Variants in EXT1 observed in about 807,000 individuals in gnomAD.
The protein encoded by EXT1 is exostosin glycosyltransferase 1.
A neutral mutation model predicts 82.5 loss-of-function variants in EXT1; 20 were observed. The ratio of observed to expected loss-of-function variants is 0.24; its 90% CI spans 0.17 to 0.35. The LOEUF (loss-of-function observed/expected upper bound fraction) is 0.35. Among genes scored for constraint, EXT1 ranks in the 10% least tolerant of loss-of-function variants. EXT1 has a pLI of 1.00. For synonymous variants in EXT1, 348 were observed against 350.8 expected (o/e 0.99, Z 0.09); for missense variants, 757 against 936.5 (o/e 0.81, Z 2.50).
At chr8:117,812,742 G>C in intron 8 of EXT1, 130 bp downstream of exon 8, 1 of 841,450 alleles carries the variant, frequency 1.2e-6, no homozygotes, top group Non-Finnish European at 2.0e-6. Flanking sequence ...ATTAAAACCA[G>C]CGCTGTAGGA....
intron 1 of EXT1, among the ~76,000 whole-genome samples, chr8:118,012,391 C>A (rs1005416149): frequency 6.6e-6 from 1 of 152,178 alleles, no homozygotes. Context: ...TTGGATTGAC[C>A]CTTTTTGTCC....
chr8:118,093,268 CAAAAAAAAA>C (rs10594150), intron 1 of EXT1, among the ~76,000 whole-genome samples: 8 of 66,800 alleles, frequency 1.2e-4, no homozygotes, highest in Non-Finnish European at 2.1e-4. Flanking sequence ...AAATTCCCAG[CAAAAAAAAA>C]AAAAAAAAAA....
intron 1 of EXT1, among the ~76,000 whole-genome samples, chr8:118,077,018 C>T (rs965957453): frequency 4.6e-5 from 7 of 152,048 alleles, no homozygotes; most frequent in Admixed American, 3.9e-4. Context: ...AGAAACAACA[C>T]ACAGAAAAGT....
intron 1 of EXT1, among the ~76,000 whole-genome samples, chr8:118,064,524 C>G (rs1169962510): frequency 6.6e-6 from 1 of 152,216 alleles, no homozygotes; most frequent in Non-Finnish European, 1.5e-5. Context: ...TTTTTTATAG[C>G]TACATAGTAT....
At chr8:118,082,410 A>G (rs1817349066) in intron 1 of EXT1, among the ~76,000 whole-genome samples, 1 of 152,220 alleles carries the variant, frequency 6.6e-6, no homozygotes, top group South Asian at 2.1e-4. Flanking sequence ...CATCATGAAA[A>G]GGCATCTTAA....
intron 1 of EXT1, among the ~76,000 whole-genome samples, chr8:117,854,067 A>G (rs1812500358): frequency 6.6e-6 from 1 of 152,258 alleles, no homozygotes; most frequent in African/African-American, 2.4e-5. Context: ...GCCTGGGCCG[A>G]GGTCCTACAG....
chr8:118,062,160 T>G (rs893450406), intron 1 of EXT1, among the ~76,000 whole-genome samples: 3 of 152,106 alleles, frequency 2.0e-5, no homozygotes, highest in Non-Finnish European at 2.9e-5. Context: ...TTTCTGGTCA[T>G]TATGGTTTCT....
At chr8:117,804,436 C>T (rs967878533) in intron 10 of EXT1, among the ~76,000 whole-genome samples, 5 of 152,174 alleles carry the variant, frequency 3.3e-5, no homozygotes, top group Non-Finnish European at 5.9e-5. Context: ...TTTGTCATAG[C>T]AGCCCAAATG....
At chr8:117,884,975 T>C (rs960799885) in intron 1 of EXT1, among the ~76,000 whole-genome samples, 1 of 152,220 alleles carries the variant, frequency 6.6e-6, no homozygotes, top group African/African-American at 2.4e-5. Flanking sequence ...AGTGGTTTTC[T>C]AGTTAATACA....
intron 1 of EXT1, among the ~76,000 whole-genome samples, chr8:117,845,018 C>G (rs1025103144): frequency 6.6e-6 from 1 of 152,218 alleles, no homozygotes; most frequent in African/African-American, 2.4e-5. Context: ...CTGTCCACCG[C>G]AGAGAGCAGT....
chr8:117,893,163 T>G (rs1305009237), intron 1 of EXT1, among the ~76,000 whole-genome samples: 1 of 152,266 alleles, frequency 6.6e-6, no homozygotes, highest in Non-Finnish European at 1.5e-5. Context: ...CCATTCATAC[T>G]CTTCTTTTTC....
chr8:117,891,596 T>C (rs1444216874), intron 1 of EXT1, among the ~76,000 whole-genome samples: 3 of 152,118 alleles, frequency 2.0e-5, no homozygotes, highest in Non-Finnish European at 2.9e-5. Context: ...GGATTCAATA[T>C]ATGTAAATAT....
At chr8:118,038,871 T>A (rs940498207) in intron 1 of EXT1, among the ~76,000 whole-genome samples, 6 of 152,268 alleles carry the variant, frequency 3.9e-5, no homozygotes, top group Non-Finnish European at 8.8e-5. Flanking sequence ...ACATGGCGTC[T>A]GTTCCTCTTT....
chr8:117,809,599 T>C (rs1823290783), intron 8 of EXT1, among the ~76,000 whole-genome samples: 2 of 149,856 alleles, frequency 1.3e-5, no homozygotes, highest in Non-Finnish European at 3.0e-5. Context: ...ATGGTGCCAC[T>C]GCCCCCTATC....
chr8:117,988,097 A>C (rs1027356030), intron 1 of EXT1, among the ~76,000 whole-genome samples: 1 of 152,158 alleles, frequency 6.6e-6, no homozygotes, highest in Non-Finnish European at 1.5e-5. Flanking sequence ...CAAATAAATA[A>C]ATACATACAT....
chr8:117,947,538 T>C (rs1586302821), intron 1 of EXT1, among the ~76,000 whole-genome samples: 2 of 152,202 alleles, frequency 1.3e-5, no homozygotes, highest in African/African-American at 4.8e-5. Flanking sequence ...TTCACCACAA[T>C]CTCCTGAGGC....
intron 1 of EXT1, among the ~76,000 whole-genome samples, chr8:118,056,956 A>G (rs1197033216): frequency 1.3e-5 from 2 of 152,132 alleles, no homozygotes; most frequent in Non-Finnish European, 2.9e-5. Flanking sequence ...CCAAAAAGCC[A>G]TGGAGGTGTG....
rs1177154917 is a variant in EXT1, at chr8:118,083,521, C to G, written c.962+26564G>C. ...AGAATTCAAGAACTAAACCCAGTAT[C>G]ATTAGGCAGACAGGTTCTCTGCCTA... On this transcript the variant is annotated intron_variant, in intron 1 of 10. Coordinates refer to ENST00000378204, the MANE Select transcript of EXT1 (RefSeq NM_000127.3). Among the ~76,000 whole-genome samples the G allele has an allele frequency of 3.9e-5, 6 of 152,220 alleles. No homozygotes were observed. In the East Asian group the frequency reaches 1.2e-3, roughly 29 times the overall value.
At position 117,957,479 on chromosome 8, in the gene EXT1, C is replaced by CG. The variant is rs556102383; in HGVS notation, c.963-120279dup. Among the ~76,000 whole-genome samples the CG allele has an allele frequency of 8.2e-4, 125 of 152,310 alleles. 1 individual carries two copies. The South Asian group carries it at 0.024, about 30-fold the overall frequency. On this transcript the variant is annotated intron_variant, in intron 1 of 10. Transcript: ENST00000378204. ...CGGAATAAACAGGCTGCAGGTCTTA[C>CG]GGAGGGAGCCCCAACGGGAGACAGA...
Sources: allele counts gnomAD v4.1 joint callset (sites outside exome capture counted in the v4.1 genomes callset), GRCh38; gene constraint gnomAD v4.1.1; transcripts MANE v1.5; gene names NCBI Gene and HGNC (gene_info 2026-07-23, HGNC 2026-07-21).